The following RFC4 variants were observed in gnomAD, a reference collection of about 807,000 sequenced individuals.
The protein encoded by RFC4 is replication factor C subunit 4.
In RFC4, 38 loss-of-function variants were observed where a neutral mutation model predicts 47.6. That is an observed-to-expected ratio of 0.80 (90% confidence interval 0.62 to 1.05). The LOEUF (loss-of-function observed/expected upper bound fraction) is 1.05, where lower values mean the gene tolerates loss of function less well. Among genes scored for constraint, RFC4 ranks in the 50% least tolerant of loss-of-function variants. The pLI is 0.00. For synonymous variants in RFC4, 164 were observed against 150.0 expected, an observed-to-expected ratio of 1.09 and a Z score of -0.68; for missense variants, 489 against 434.0, an observed-to-expected ratio of 1.13 and a Z score of -1.13.
intron 2 of RFC4, among the ~76,000 whole-genome samples, chr3:186,801,730 A>AAAAAAAAAAAAAAAAAAAAAAAAAG (rs1348449105): frequency 6.7e-6 from 1 of 149,832 alleles, no homozygotes; most frequent in African/African-American, 2.5e-5. Flanking sequence ...AAAAAAAAAA[A>AAAAAAAAAAAAAAAAAAAAAAAAAG]AGAAATTAAA....
intron 3 of RFC4, among the ~76,000 whole-genome samples, chr3:186,800,531 CT>C (rs1402942522): frequency 6.6e-6 from 1 of 152,178 alleles, no homozygotes; most frequent in Non-Finnish European, 1.5e-5. Context: ...CATAACACAA[CT>C]TTAAGTTGCT....
rs1213450309 is a variant in RFC4 at position 186,792,401 on chromosome 3, G to A, written c.675+89C>T. 7 of 1,166,254 alleles carry A rather than the reference G, an allele frequency of 6.0e-6. No homozygotes were observed. The East Asian group carries it at 1.4e-4, about 24-fold the overall frequency. The allele number at this position is 1,166,254 out of a possible 1,614,324, so 72.2% of individuals were successfully genotyped here. A position where few individuals can be genotyped will look rare whatever the true frequency, so the allele number is the denominator to read the frequency against. ...CTGAAGAACTGGCATCAGGATTGAGGCAACACACATTTAAATCTTTCAGGG... is the reference window on the plus strand; with the variant it reads ...CTGAAGAACTGGCATCAGGATTGAGACAACACACATTTAAATCTTTCAGGG... On this transcript the variant is annotated intron_variant, in intron 7 of 10. Coordinates refer to ENST00000296273, the MANE Select transcript of RFC4 (RefSeq NM_002916.5).
intron 8 of RFC4, chr3:186,791,426 C>T (rs904695412): frequency 5.9e-6 from 2 of 336,784 alleles, no homozygotes; most frequent in East Asian, 6.9e-5. Context: ...GTCGGTATTG[C>T]GTCACTGCAC....
intron 8 of RFC4, 31 bp from the exon 9 acceptor site, chr3:186,790,437 GTTT>G (rs1722075994): frequency 6.7e-7 from 1 of 1,492,568 alleles, no homozygotes; most frequent in African/African-American, 1.4e-5. Context: ...TATTAAAGAT[GTTT>G]CTAGGTGAGA....
intron 4 of RFC4, chr3:186,794,987 A>G: frequency 1.8e-6 from 1 of 548,938 alleles, no homozygotes; most frequent in Non-Finnish European, 3.2e-6. Flanking sequence ...TAGACATTAC[A>G]TAACATATAC....
chr3:186,794,354 G>A (rs1722201556), intron 5 of RFC4, among the ~76,000 whole-genome samples: 1 of 152,174 alleles, frequency 6.6e-6, no homozygotes, highest in East Asian at 1.9e-4. Flanking sequence ...GTGACTGACT[G>A]CACCATCAAT....
chr3:186,802,831 G>C (rs1722387063), intron 2 of RFC4, among the ~76,000 whole-genome samples: 1 of 152,068 alleles, frequency 6.6e-6, no homozygotes, highest in Non-Finnish European at 1.5e-5. Flanking sequence ...ACAAGAGTGA[G>C]GAAGGCAGAG....
rs1441721609 is a variant in RFC4, at chr3:186,796,733, G to A, written c.290+802C>T. 6.6e-6 allele frequency among the ~76,000 whole-genome samples: 1 copy of A among 152,120 alleles called. No individual in the cohort carries two copies. Among genetic ancestry groups the A allele is most frequent in the African/African-American group, 2.4e-5 (1 of 41,428 alleles). ...CACCCCAGGTGATCCACCTGCCTCG[G>A]CCTCCCAAAGTGCTGGGATTACAGA... On this transcript the variant is annotated intron_variant, in intron 4 of 10. Coordinates refer to ENST00000296273, the MANE Select transcript of RFC4 (RefSeq NM_002916.5). The surrounding 1 kb of genome is among the most constrained non-coding windows in gnomAD (Gnocchi z 4.2).
At chr3:186,794,984 TACATA>T (rs1252508586) in intron 4 of RFC4, 2 of 550,260 alleles carry the variant, frequency 3.6e-6, no homozygotes, top group African/African-American at 3.9e-5. Flanking sequence ...ATGTAGACAT[TACATA>T]ACATATACAA....
intron 3 of RFC4, among the ~76,000 whole-genome samples, chr3:186,799,112 T>C (rs1036459214): frequency 3.3e-5 from 5 of 152,218 alleles, no homozygotes; most frequent in African/African-American, 9.6e-5. Context: ...CCCTTAACAA[T>C]GTAACGATTC....
At position 186,805,793 on chromosome 3, in the gene RFC4, G is replaced by A. The variant is rs569004743; in HGVS notation, c.-12+497C>T. On this transcript the variant is annotated intron_variant, in intron 1 of 10. Transcript: ENST00000296273. ...AAAGCATCATTAGCTCGCCTGAAAAGTCCCCGGTTAATTCTATTTTTTTCA... is the reference window on the plus strand; with the variant it reads ...AAAGCATCATTAGCTCGCCTGAAAAATCCCCGGTTAATTCTATTTTTTTCA... Among the ~76,000 whole-genome samples, 5 of 152,170 alleles carry A rather than the reference G, an allele frequency of 3.3e-5. No homozygotes were observed. The South Asian group carries it at 1.0e-3, about 32-fold the overall frequency.
intron 3 of RFC4, 79 bp from the exon 4 acceptor site, chr3:186,797,693 G>T: frequency 1.0e-6 from 1 of 970,236 alleles, no homozygotes; most frequent in Non-Finnish European, 1.6e-6. Context: ...AAAAATGTCT[G>T]TGGAATAGTG....
At chr3:186,802,731 AT>A (rs568972708) in intron 2 of RFC4, among the ~76,000 whole-genome samples, 65 of 148,518 alleles carry the variant, frequency 4.4e-4, no homozygotes, top group Middle Eastern at 3.5e-3. Context: ...AGGAATTATG[AT>A]TTTTTTTTTT....
Position 186,796,445 on chromosome 3 carries a change from A to G in RFC4, c.290+1090T>C, listed in dbSNP as rs1194354648. 6.6e-6 allele frequency among the ~76,000 whole-genome samples: 1 copy of G among 152,208 alleles called. No homozygotes were observed. Among genetic ancestry groups the G allele is most frequent in the South Asian group, 2.1e-4 (1 of 4,828 alleles). On this transcript the variant is annotated intron_variant, in intron 4 of 10. Transcript: ENST00000296273. The surrounding 1 kb of genome is among the most constrained non-coding windows in gnomAD (Gnocchi z 4.2). ...CTCCCTTTGTCTTTTACATTTTGACATAACTAATAATCCTTACACATTTGG... is the reference window on the plus strand; with the variant it reads ...CTCCCTTTGTCTTTTACATTTTGACGTAACTAATAATCCTTACACATTTGG...
In RFC4 at chr3:186,802,216, C is replaced by T. The variant is rs554153512; in HGVS notation, c.132-1021G>A. On this transcript the variant is annotated intron_variant, in intron 2 of 10. Coordinates refer to ENST00000296273, the MANE Select transcript of RFC4 (RefSeq NM_002916.5). ...AAAAATACAAAAAAAATTAGGTGGGCGTGGTGGCACATGCCTGTAGTCCCA... is the reference window on the plus strand; with the variant it reads ...AAAAATACAAAAAAAATTAGGTGGGTGTGGTGGCACATGCCTGTAGTCCCA... Among the ~76,000 whole-genome samples, 8 of 151,692 alleles carry T rather than the reference C, an allele frequency of 5.3e-5. No individual in the cohort carries two copies. The East Asian group carries it at 9.7e-4, about 18-fold the overall frequency.
At chr3:186,790,499 T>G in intron 8 of RFC4, 93 bp from the exon 9 acceptor site, 1 of 860,988 alleles carries the variant, frequency 1.2e-6, no homozygotes, top group Non-Finnish European at 2.0e-6. Context: ...GTCATTTCTG[T>G]TCCACACCTA....
chr3:186,802,023 C>CAAAAAAAA (rs34264551), intron 2 of RFC4, among the ~76,000 whole-genome samples: 2 of 92,156 alleles, frequency 2.2e-5, no homozygotes, highest in African/African-American at 8.5e-5. Flanking sequence ...AACTTTATCT[C>CAAAAAAAA]AAAAAAAAAA....
chr3:186,800,534 T>A (rs533203363), intron 3 of RFC4, among the ~76,000 whole-genome samples: 1 of 152,310 alleles, frequency 6.6e-6, no homozygotes, highest in Non-Finnish European at 1.5e-5. Flanking sequence ...AACACAACTT[T>A]AAGTTGCTAA....
At chr3:186,802,084 C>T (rs1054748917) in intron 2 of RFC4, among the ~76,000 whole-genome samples, 9 of 151,104 alleles carry the variant, frequency 6.0e-5, no homozygotes, top group African/African-American at 1.7e-4. Context: ...TATTATTGGC[C>T]GGATGCGGTG....
Sources: allele counts gnomAD v4.1 joint callset (sites outside exome capture counted in the v4.1 genomes callset), GRCh38; gene constraint gnomAD v4.1.1; non-coding constraint Gnocchi (gnomAD v3.1); transcripts MANE v1.5; gene names NCBI Gene and HGNC (gene_info 2026-07-23, HGNC 2026-07-21).